The following SERAC1 variants were observed in gnomAD, a reference collection of about 807,000 sequenced individuals.
The protein encoded by SERAC1 is serine active site containing 1.
Under a neutral mutation model 85.7 loss-of-function variants are expected in SERAC1, and 36 were observed. The ratio of observed to expected loss-of-function variants is 0.42; its 90% CI spans 0.32 to 0.55. The LOEUF is 0.55. SERAC1 is among the 20% of genes least tolerant of loss of function. The probability of loss-of-function intolerance (pLI) is 0.11; values close to 1 mark genes in which losing one functional copy is unlikely to be tolerated. For synonymous variants in SERAC1, 242 were observed against 265.3 expected (o/e 0.91, Z 0.85); for missense variants, 629 against 796.2 (o/e 0.79, Z 2.53).
intron 2 of SERAC1, among the ~76,000 whole-genome samples, chr6:158,156,879 G>GATATTAATATGTTTATATAA (rs1785355573): frequency 1.2e-5 from 1 of 82,716 alleles, no homozygotes; most frequent in Admixed American, 1.8e-4. Context: ...TATTTATATA[G>GATATTAATATGTTTATATAA]ATATTAATAT....
At chr6:158,146,739 GA>G (rs1420799145) in intron 6 of SERAC1, 42 bp downstream of exon 6, 1 of 1,608,730 alleles carries the variant, frequency 6.2e-7, no homozygotes, top group Admixed American at 1.7e-5. Flanking sequence ...CAGCAATCAA[GA>G]GCCAGCTGAA....
intron 8 of SERAC1, among the ~76,000 whole-genome samples, chr6:158,138,933 G>A (rs569796658): frequency 6.6e-6 from 1 of 152,034 alleles, no homozygotes; most frequent in Non-Finnish European, 1.5e-5. Flanking sequence ...TTAGAGACAG[G>A]GACTTGTTCT....
intron 8 of SERAC1, among the ~76,000 whole-genome samples, chr6:158,138,757 G>A (rs1310214979): frequency 1.3e-5 from 2 of 152,144 alleles, no homozygotes; most frequent in Non-Finnish European, 2.9e-5. Context: ...CAGATGAAAA[G>A]CAGGGGCATA....
intron 10 of SERAC1, among the ~76,000 whole-genome samples, chr6:158,126,131 T>C (rs1057241066): frequency 1.3e-5 from 2 of 152,144 alleles, no homozygotes; most frequent in African/African-American, 4.8e-5. Flanking sequence ...TGTATATCTA[T>C]ATATATATGT....
At chr6:158,156,719 A>C (rs1785341759) in intron 2 of SERAC1, among the ~76,000 whole-genome samples, 1 of 137,784 alleles carries the variant, frequency 7.3e-6, no homozygotes, top group African/African-American at 2.6e-5. Flanking sequence ...TAGCCCACAA[A>C]AATCTTTATA....
At chr6:158,114,522 A>C (rs1784228682) in intron 15 of SERAC1, 2 of 1,200,186 alleles carry the variant, frequency 1.7e-6, no homozygotes, top group Admixed American at 4.0e-5. Flanking sequence ...ACTTAAAAGC[A>C]AAACATTATC....
chr6:158,147,774 A>G (rs1239517497), intron 5 of SERAC1, among the ~76,000 whole-genome samples: 726 of 50,980 alleles, frequency 0.014, 4 homozygotes, highest in African/African-American at 0.035. Flanking sequence ...GTCTCAAAAA[A>G]AAAAAAAAAA....
intron 1 of SERAC1, among the ~76,000 whole-genome samples, chr6:158,163,235 C>T (rs1390671227): frequency 5.9e-5 from 9 of 152,164 alleles, no homozygotes; most frequent in Admixed American, 5.2e-4. Context: ...TGTTTTAGCC[C>T]GTAGCCTTTG....
chr6:158,158,461 CCA>C (rs1483201277), intron 1 of SERAC1, 97 bp from the exon 2 acceptor site: 2 of 839,592 alleles, frequency 2.4e-6, no homozygotes, highest in African/African-American at 3.4e-5. Context: ...AGTGGATGAC[CCA>C]CAGAGTTAGC....
At chr6:158,115,019 C>A in intron 14 of SERAC1, 48 bp from the exon 15 acceptor site, 1 of 1,538,718 alleles carries the variant, frequency 6.5e-7, no homozygotes, top group Non-Finnish European at 8.7e-7. Flanking sequence ...ATTTTCCTTC[C>A]CTTTATTACT....
At chr6:158,145,784 A>G (rs1785041429) in intron 6 of SERAC1, 1 of 152,006 alleles carries the variant, frequency 6.6e-6, no homozygotes, top group Admixed American at 6.6e-5. Flanking sequence ...CAGCCTCCCA[A>G]AGTGCTGGGA....
chr6:158,159,065 G>A (rs2128425054), intron 1 of SERAC1: 1 of 152,030 alleles, frequency 6.6e-6, no homozygotes, highest in East Asian at 1.9e-4. Context: ...TTGCTATAAG[G>A]GAAAGGAAGG....
chr6:158,130,310 A>C, intron 9 of SERAC1, 63 bp downstream of exon 9: 1 of 904,546 alleles, frequency 1.1e-6, no homozygotes, highest in Non-Finnish European at 1.6e-6. Flanking sequence ...TGCAAAAATC[A>C]ACCTATATAA....
intron 9 of SERAC1, among the ~76,000 whole-genome samples, chr6:158,129,618 A>G (rs978248959): frequency 2.6e-5 from 4 of 152,146 alleles, no homozygotes; most frequent in Non-Finnish European, 5.9e-5. Context: ...TATGGTACCA[A>G]AGAGTTTAAC....
At chr6:158,150,842 G>C (rs1387829983) in intron 3 of SERAC1, among the ~76,000 whole-genome samples, 1 of 152,214 alleles carries the variant, frequency 6.6e-6, no homozygotes, top group East Asian at 1.9e-4. Context: ...CCTAGTGACT[G>C]AGTAGCCATC....
chr6:158,114,698 A>AGATAATACATTCAAGGAATATAAAATGT, intron 15 of SERAC1, 91 bp downstream of exon 15: 1 of 1,586,862 alleles, frequency 6.3e-7, no homozygotes, highest in Non-Finnish European at 8.6e-7. Context: ...TTATAAAATG[A>AGATAATACATTCAAGGAATATAAAATGT]GATAATACAT....
In SERAC1 at chr6:158,146,996, A is replaced by AT. The variant is rs138461166; in HGVS notation, c.356-84_356-83insA. On this transcript the variant is annotated intron_variant, in intron 5 of 16. Transcript: ENST00000647468. ...CACTTTAAGATGGTAATTTATAAAC[A>AT]CTGAAATCTACAATTGGAGAGTTAA... 9,544 of 1,387,832 alleles carry AT rather than the reference A, an allele frequency of 6.9e-3. 502 individuals carry two copies. The African/African-American group carries it at 0.12, about 18-fold the overall frequency. 86.0% of individuals were successfully genotyped at this position (1,387,832 alleles called of 1,614,324 possible). A position where few individuals can be genotyped will look rare whatever the true frequency, so the allele number is the denominator to read the frequency against.
At chr6:158,140,303 C>T (rs1471581106) in intron 8 of SERAC1, among the ~76,000 whole-genome samples, 1 of 152,142 alleles carries the variant, frequency 6.6e-6, no homozygotes, top group African/African-American at 2.4e-5. Flanking sequence ...CTAGGGAGGA[C>T]AGAGGGCCTG....
intron 6 of SERAC1, among the ~76,000 whole-genome samples, chr6:158,144,992 C>G (rs981760503): frequency 1.3e-5 from 2 of 152,138 alleles, no homozygotes; most frequent in African/African-American, 4.8e-5. Flanking sequence ...GCCTGTAATA[C>G]CAGCACTTTG....
Sources: allele counts gnomAD v4.1 joint callset (sites outside exome capture counted in the v4.1 genomes callset), GRCh38; gene constraint gnomAD v4.1.1; transcripts MANE v1.5; gene names NCBI Gene and HGNC (gene_info 2026-07-23, HGNC 2026-07-21).